The following MACROD2 variants were observed in gnomAD, a reference collection of about 807,000 sequenced individuals.
MACROD2 encodes mono-ADP ribosylhydrolase 2, also known as ADP-ribose glycohydrolase MACROD2.
A neutral mutation model predicts 70.4 loss-of-function variants in MACROD2; 36 were observed. The ratio of observed to expected loss-of-function variants is 0.51; its 90% CI spans 0.39 to 0.68. The LOEUF (loss-of-function observed/expected upper bound fraction) is 0.68, where lower values mean the gene tolerates loss of function less well. MACROD2 is among the 30% of genes least tolerant of loss of function. The pLI is 0.00. For synonymous variants in MACROD2, 172 were observed against 178.8 expected, an observed-to-expected ratio of 0.96 and a Z score of 0.30; for missense variants, 496 against 538.4, an observed-to-expected ratio of 0.92 and a Z score of 0.78.
chr20:15,113,608 T>C (rs73096078), intron 5 of MACROD2, among the ~76,000 whole-genome samples: 3,400 of 152,276 alleles, frequency 0.022, 63 homozygotes, highest in South Asian at 0.058. Context: ...ATTATTGTTG[T>C]GAATTGTATC....
intron 3 of MACROD2, among the ~76,000 whole-genome samples, chr20:14,100,420 A>G (rs1190627149): frequency 1.3e-5 from 2 of 150,476 alleles, no homozygotes; most frequent in Admixed American, 6.6e-5. Context: ...CTAATTTCTT[A>G]TAGTATTAAT....
chr20:15,558,966 T>C (rs1377341767), intron 8 of MACROD2, among the ~76,000 whole-genome samples: 1 of 152,184 alleles, frequency 6.6e-6, no homozygotes, highest in Non-Finnish European at 1.5e-5. Flanking sequence ...TTTTGTATAA[T>C]GCATTAAAGA....
At chr20:14,898,725 A>G (rs549016668) in intron 5 of MACROD2, among the ~76,000 whole-genome samples, 1 of 152,224 alleles carries the variant, frequency 6.6e-6, no homozygotes, top group East Asian at 1.9e-4. Flanking sequence ...AACTGTCCTC[A>G]CATCTTTGTA....
intron 10 of MACROD2, among the ~76,000 whole-genome samples, chr20:15,931,405 G>C (rs1466615633): frequency 6.6e-6 from 1 of 152,096 alleles, no homozygotes; most frequent in Non-Finnish European, 1.5e-5. Flanking sequence ...AGTTTGGGAG[G>C]CTAAGGTGGG....
In MACROD2 at chr20:14,955,293, TATA is replaced by T. The variant is rs955638315; in HGVS notation, c.418+270338_418+270340del. On this transcript the variant is annotated intron_variant, in intron 5 of 17. Transcript: ENST00000684519. The stretch of plus-strand genomic sequence containing the variant: ...TTTTTATTATATATAGTTTATATAA[TATA>T]ATATAATTTTTATTATATATAATTT... 1.8e-4 allele frequency among the ~76,000 whole-genome samples: 25 copies of T among 142,240 alleles called. 1 individual carries two copies. Among genetic ancestry groups the T allele is most frequent in the African/African-American group, 5.9e-4 (23 of 39,098 alleles). 93.3% of individuals were successfully genotyped at this position (142,240 alleles called of 152,430 possible).
rs79237270 is a variant in MACROD2 at position 15,313,956 on chromosome 20, G to T, written c.540+83895G>T. On this transcript the variant is annotated intron_variant, in intron 6 of 17. Coordinates refer to ENST00000684519, the MANE Select transcript of MACROD2 (RefSeq NM_001351661.2). ...TTTTTTCACTCATCCCACTTATTTT[G>T]TGGGTCTAATGAGATGATATTTGTG... Among the ~76,000 whole-genome samples, 4 of 152,194 alleles carry T rather than the reference G, an allele frequency of 2.6e-5. No homozygotes were observed. The East Asian group carries it at 7.7e-4, about 29-fold the overall frequency.
chr20:14,815,829 CAT>C lies in MACROD2; in HGVS notation c.418+130871_418+130872del, dbSNP rs577511122. 2.2e-4 allele frequency among the ~76,000 whole-genome samples: 34 copies of C among 152,132 alleles called. 1 individual carries two copies. In the South Asian group the frequency reaches 3.5e-3, roughly 16 times the overall value. On this transcript the variant is annotated intron_variant, in intron 5 of 17. Transcript: ENST00000684519. The stretch of plus-strand genomic sequence containing the variant: ...AATAACATTGCCAACTCTTTTCACA[CAT>C]GAGTTCATGTAACCCTTATGATTTG...
Position 15,930,246 on chromosome 20 carries a change from T to C in MACROD2, c.776-3030T>C, listed in dbSNP as rs548782550. Among the ~76,000 whole-genome samples the C allele has an allele frequency of 2.0e-5, 3 of 152,276 alleles. No individual in the cohort carries two copies. In the South Asian group the frequency reaches 6.2e-4, roughly 32 times the overall value. On this transcript the variant is annotated intron_variant, in intron 10 of 17. Transcript: ENST00000684519. Reference sequence around the variant, plus strand: ...ACGATAGCTAGACAGACAAGGCTGATAAAAAAGAAAGCTTGTCCTTATCAA... The same window carrying C: ...ACGATAGCTAGACAGACAAGGCTGACAAAAAAGAAAGCTTGTCCTTATCAA...
intron 3 of MACROD2, among the ~76,000 whole-genome samples, chr20:14,367,646 A>T (rs2083284184): frequency 6.6e-6 from 1 of 152,144 alleles, no homozygotes; most frequent in African/African-American, 2.4e-5. Flanking sequence ...TTTATTGAGG[A>T]TCCCTTGTAT....
chr20:14,693,574 C>T (rs1230536064), intron 5 of MACROD2, among the ~76,000 whole-genome samples: 1 of 152,154 alleles, frequency 6.6e-6, no homozygotes. Context: ...TATTAACTCT[C>T]CCTGTAATTA....
At chr20:14,110,676 A>G (rs2054437529) in intron 3 of MACROD2, among the ~76,000 whole-genome samples, 1 of 151,988 alleles carries the variant, frequency 6.6e-6, no homozygotes, top group Admixed American at 6.6e-5. Flanking sequence ...GAAGTAAACT[A>G]TCTCTACAAT....
chr20:15,381,284 C>A (rs754034831), intron 6 of MACROD2, among the ~76,000 whole-genome samples: 2 of 151,768 alleles, frequency 1.3e-5, no homozygotes, highest in African/African-American at 2.4e-5. Context: ...CAAGAGGAGG[C>A]AGGTTACTTC....
At chr20:15,800,170 T>G (rs2063711239) in intron 8 of MACROD2, among the ~76,000 whole-genome samples, 1 of 152,192 alleles carries the variant, frequency 6.6e-6, no homozygotes. Context: ...TTTGAGTTCT[T>G]TGTATATTCT....
At chr20:15,298,596 T>C (rs950213713) in intron 6 of MACROD2, among the ~76,000 whole-genome samples, 10 of 152,244 alleles carry the variant, frequency 6.6e-5, no homozygotes, top group African/African-American at 2.2e-4. Context: ...TATGTATGAA[T>C]GACTTTAAAA....
At chr20:15,203,369 G>C (rs369040478) in intron 5 of MACROD2, among the ~76,000 whole-genome samples, 1 of 152,008 alleles carries the variant, frequency 6.6e-6, no homozygotes, top group African/African-American at 2.4e-5. Context: ...TTTATGAACC[G>C]AGTGGGAAGG....
chr20:15,561,893 A>G (rs1481981091), intron 8 of MACROD2, among the ~76,000 whole-genome samples: 2 of 151,950 alleles, frequency 1.3e-5, no homozygotes, highest in South Asian at 2.1e-4. Flanking sequence ...ACAAGAGACT[A>G]TTTAGTAGAT....
chr20:14,463,697 A>G (rs1209840154), intron 3 of MACROD2, among the ~76,000 whole-genome samples: 31 of 152,034 alleles, frequency 2.0e-4, no homozygotes, highest in Admixed American at 2.0e-3. Context: ...TATTATTTTG[A>G]GATATGTCCC....
chr20:15,565,675 G>A (rs941123629), intron 8 of MACROD2, among the ~76,000 whole-genome samples: 10 of 152,112 alleles, frequency 6.6e-5, no homozygotes, highest in African/African-American at 2.4e-4. Flanking sequence ...GAGTTCAGCG[G>A]CACTATCGTA....
At chr20:14,012,308 A>C (rs1403617344) in intron 2 of MACROD2, among the ~76,000 whole-genome samples, 2 of 152,332 alleles carry the variant, frequency 1.3e-5, no homozygotes, top group Admixed American at 1.3e-4. Flanking sequence ...TTAATGCTTT[A>C]AGTTGTCATA....
Sources: gnomAD v4.1 joint callset for allele counts (sites outside exome capture counted in the v4.1 genomes callset) on GRCh38, gnomAD v4.1.1 for gene constraint, MANE v1.5 for transcripts, NCBI Gene and HGNC (gene_info 2026-07-23, HGNC 2026-07-21) for gene names.